Variants in CBLN2 observed in about 807,000 individuals in gnomAD.
CBLN2 encodes the protein cerebellin 2 precursor.
In CBLN2, 7 loss-of-function variants were observed where a neutral mutation model predicts 15.0. The observed-to-expected ratio is 0.47, with a 90% CI of 0.27 to 0.88. CBLN2 has a LOEUF of 0.88. Ranked by LOEUF, CBLN2 falls within the 40% of genes least tolerant of loss-of-function variation. The pLI is 0.14. For synonymous variants in CBLN2, 149 were observed against 135.2 expected, an observed-to-expected ratio of 1.10 and a Z score of -0.71; for missense variants, 242 against 304.5, an observed-to-expected ratio of 0.79 and a Z score of 1.53.
Position 72,544,145 on chromosome 18 carries a change from A to C in CBLN2, c.-380T>G, listed in dbSNP as rs1473049337. On this transcript the variant is annotated 5_prime_UTR_variant, in exon 1 of 5. Transcript: ENST00000269503. ...TTTCATAATGACAGGAGCGAAAAAA[A>C]CAATAAGTTAAAAAAAAAAAAAAGA... The C allele has an allele frequency of 2.0e-5, 3 of 149,782 alleles. No homozygotes were observed. Among genetic ancestry groups the C allele is most frequent in the Non-Finnish European group, 4.4e-5 (3 of 67,950 alleles). The allele number at this position is 149,782 out of a possible 1,614,324, so 9.3% of individuals were successfully genotyped here.
In CBLN2 at chr18:72,537,978, C is replaced by T; in HGVS notation, c.*198G>A. On this transcript the variant is annotated 3_prime_UTR_variant, in exon 5 of 5. Coordinates refer to ENST00000269503, the MANE Select transcript of CBLN2 (RefSeq NM_182511.4). ...TTGTCATCTAAAACTAATTAGAGGC[C>T]AGGTTCCCGAGGAATTGTCAGTATT... 1 of 603,792 alleles carries T rather than the reference C, an allele frequency of 1.7e-6. No homozygotes were observed. The highest frequency in any genetic ancestry group is 2.9e-6 in the Non-Finnish European group (1 of 340,498). The allele number at this position is 603,792 out of a possible 1,614,324, so 37.4% of individuals were successfully genotyped here. A position where few individuals can be genotyped will look rare whatever the true frequency, so the allele number is the denominator to read the frequency against.
At chr18:72,610,055 A>G (rs1383756652) in intron 1 of CBLN2, among the ~76,000 whole-genome samples, 2 of 152,152 alleles carry the variant, frequency 1.3e-5, no homozygotes. Context: ...AGGGCCACCC[A>G]CACTTTTGCA....
chr18:72,631,857 A>T (rs1232346203), intron 1 of CBLN2, among the ~76,000 whole-genome samples: 5 of 152,142 alleles, frequency 3.3e-5, no homozygotes. Context: ...GCAGGGATGA[A>T]GTCTGAATCA....
chr18:72,616,004 G>C (rs980449196), intron 1 of CBLN2, among the ~76,000 whole-genome samples: 1 of 152,126 alleles, frequency 6.6e-6, no homozygotes, highest in African/African-American at 2.4e-5. Flanking sequence ...GTAAAAAAAA[G>C]CTTTCAGAAG....
At chr18:72,578,699 T>G (rs1321702740) in intron 1 of CBLN2, among the ~76,000 whole-genome samples, 1 of 152,224 alleles carries the variant, frequency 6.6e-6, no homozygotes, top group Non-Finnish European at 1.5e-5. Context: ...TACGCAGTAA[T>G]GTGGAAAGAA....
chr18:72,537,604 T>G lies in CBLN2; in HGVS notation c.*572A>C, dbSNP rs1245616893. On this transcript the variant is annotated 3_prime_UTR_variant, in exon 5 of 5. Coordinates refer to ENST00000269503, the MANE Select transcript of CBLN2 (RefSeq NM_182511.4). ...AAATTTGCTTCTCTGGATAAAGCAC[T>G]TCTTGACAGGTTCCCAATGTCCCCA... is the stretch of plus-strand genomic sequence containing the variant. The G allele has an allele frequency of 6.5e-6, 1 of 153,110 alleles. No homozygotes were observed. The highest frequency in any genetic ancestry group is 1.5e-5 in the Non-Finnish European group (1 of 68,404). The allele number at this position is 153,110 out of a possible 1,614,324, so 9.5% of individuals were successfully genotyped here. A position where few individuals can be genotyped will look rare whatever the true frequency, so the allele number is the denominator to read the frequency against.
chr18:72,587,536 A>G lies in CBLN2; in HGVS notation c.16-48764T>C, dbSNP rs575347859. ...TAAAAAAAGACTACAAAGTTAGGAA[A>G]GATTTTTCTCTCTCCTTTATTTCTA... On this transcript the variant is annotated intron_variant, in intron 1 of 2. Transcript: ENST00000581073. 5.9e-5 allele frequency among the ~76,000 whole-genome samples: 9 copies of G among 152,312 alleles called. No individual in the cohort carries two copies. In the South Asian group the frequency reaches 1.7e-3, roughly 28 times the overall value.
intron 1 of CBLN2, among the ~76,000 whole-genome samples, chr18:72,551,196 A>G (rs570080100): frequency 1.3e-5 from 2 of 152,258 alleles, no homozygotes; most frequent in East Asian, 1.9e-4. Flanking sequence ...TCTACCATGT[A>G]TCTTCATACT....
chr18:72,601,864 C>T (rs1255820972), intron 1 of CBLN2, among the ~76,000 whole-genome samples: 3 of 152,240 alleles, frequency 2.0e-5, no homozygotes, highest in Non-Finnish European at 4.4e-5. Context: ...TGAGCTGCTT[C>T]TGTTCCATTC....
intron 1 of CBLN2, among the ~76,000 whole-genome samples, chr18:72,611,208 G>A (rs777801262): frequency 1.1e-4 from 17 of 152,184 alleles, no homozygotes; most frequent in Non-Finnish European, 2.2e-4. Context: ...ACATATGAGT[G>A]CATGTGTCTT....
At chr18:72,581,672 A>G (rs1377190639) in intron 1 of CBLN2, among the ~76,000 whole-genome samples, 1 of 152,218 alleles carries the variant, frequency 6.6e-6, no homozygotes, top group East Asian at 1.9e-4. Flanking sequence ...TGCGAATAAC[A>G]TCTTTTCCCC....
At position 72,550,931 on chromosome 18, in the gene CBLN2, C is replaced by A. The variant is rs542210392; in HGVS notation, c.16-12159G>T. On this transcript the variant is annotated intron_variant, in intron 1 of 2. Transcript: ENST00000581073. Reference sequence around the variant, plus strand: ...GGCTATATTCTTAATAGGTACCTCACGTTGTTTGCAGCTCTGCTATGGTGC... The same window carrying A: ...GGCTATATTCTTAATAGGTACCTCAAGTTGTTTGCAGCTCTGCTATGGTGC... 3.3e-5 allele frequency among the ~76,000 whole-genome samples: 5 copies of A among 152,122 alleles called. No individual in the cohort carries two copies. The South Asian group carries it at 1.0e-3, about 32-fold the overall frequency.
In CBLN2 at chr18:72,618,449, A is replaced by G. The variant is rs547730440; in HGVS notation, c.15+19876T>C. The G allele has an allele frequency of 1.1e-3, 734 of 653,276 alleles. 2 individuals carry two copies. The highest frequency in any genetic ancestry group is 1.4e-3 in the Non-Finnish European group (501 of 347,560). 40.5% of individuals were successfully genotyped at this position (653,276 alleles called of 1,614,324 possible). ...GCTCCAGGAGCTTTGGGTTTGTCAC[A>G]TGCACCACTGTGGAGGAGGTGGATG... On this transcript the variant is annotated intron_variant, in intron 1 of 2. Coordinates refer to the CBLN2 transcript ENST00000581073.
At chr18:72,608,697 C>T (rs768805051) in intron 1 of CBLN2, among the ~76,000 whole-genome samples, 1 of 152,176 alleles carries the variant, frequency 6.6e-6, no homozygotes, top group African/African-American at 2.4e-5. Context: ...TTTGCTCCCA[C>T]GTGCCTAGGA....
intron 1 of CBLN2, among the ~76,000 whole-genome samples, chr18:72,571,940 T>G (rs531147276): frequency 6.6e-6 from 1 of 152,164 alleles, no homozygotes; most frequent in Admixed American, 6.5e-5. Context: ...TAAAAATGAA[T>G]CTCTCATATT....
chr18:72,591,216 C>T (rs527295735), intron 1 of CBLN2, among the ~76,000 whole-genome samples: 1 of 152,040 alleles, frequency 6.6e-6, no homozygotes, highest in African/African-American at 2.4e-5. Context: ...CAGTTGCTGA[C>T]TTATTAACTT....
rs1367959143 is a variant in CBLN2 at position 72,536,889 on chromosome 18, CAAG to C, written c.*1284_*1286del. ...AATAATGTTGTACGAGATGCCAAAA[CAAG>C]AAGGATTTGTAACAGTGCTCCTGGG... On this transcript the variant is annotated 3_prime_UTR_variant, in exon 5 of 5. Coordinates refer to ENST00000269503, the MANE Select transcript of CBLN2 (RefSeq NM_182511.4). 2.6e-5 allele frequency: 4 copies of C among 152,582 alleles called. No homozygotes were observed. Among genetic ancestry groups the C allele is most frequent in the Admixed American group, 6.5e-5 (1 of 15,276 alleles). The allele number at this position is 152,582 out of a possible 1,614,324, so 9.5% of individuals were successfully genotyped here. A position where few individuals can be genotyped will look rare whatever the true frequency, so the allele number is the denominator to read the frequency against.
intron 1 of CBLN2, among the ~76,000 whole-genome samples, chr18:72,597,547 C>A (rs1036242139): frequency 1.3e-5 from 2 of 152,216 alleles, no homozygotes; most frequent in South Asian, 2.1e-4. Flanking sequence ...AGTCTAGCCA[C>A]TGCCTATGTT....
chr18:72,539,862 A>G (rs553312877), intron 3 of CBLN2: 2 of 152,270 alleles, frequency 1.3e-5, no homozygotes, highest in African/African-American at 4.8e-5. Context: ...TGGGTTTAAG[A>G]TTTTGTTACC....
Sources: gnomAD v4.1 joint callset for allele counts (sites outside exome capture counted in the v4.1 genomes callset) on GRCh38, gnomAD v4.1.1 for gene constraint, MANE v1.5 for transcripts, NCBI Gene and HGNC (gene_info 2026-07-23, HGNC 2026-07-21) for gene names.